Variants in NUSAP1 observed in about 807,000 individuals in gnomAD.
NUSAP1 encodes nucleolar and spindle associated protein 1.
Under a neutral mutation model 52.8 loss-of-function variants are expected in NUSAP1, and 32 were observed. The observed-to-expected ratio is 0.61, with a 90% CI of 0.46 to 0.81. The LOEUF (loss-of-function observed/expected upper bound fraction) is 0.81. Ranked by LOEUF, NUSAP1 falls within the 40% of genes least tolerant of loss-of-function variation. NUSAP1 has a pLI of 0.00. For missense variants in NUSAP1, 499 were observed against 522.3 expected (o/e 0.96, Z 0.43); for synonymous variants, 195 against 183.1 (o/e 1.06, Z -0.52).
At position 41,380,292 on chromosome 15, in the gene NUSAP1, G is replaced by A; in HGVS notation, c.*106G>A. 1.4e-6 allele frequency: 1 copy of A among 706,762 alleles called. No homozygotes were observed. Among genetic ancestry groups the A allele is most frequent in the South Asian group, 1.8e-5 (1 of 55,572 alleles). The allele number at this position is 706,762 out of a possible 1,614,324, so 43.8% of individuals were successfully genotyped here. On this transcript the variant is annotated 3_prime_UTR_variant, in exon 11 of 11. Coordinates refer to ENST00000559596, the MANE Select transcript of NUSAP1 (RefSeq NM_016359.5). ...CACTTTAGTCACGAGATCTTTTTCTGCTAACTGTTCATAGTCTGTGTAGTG... is the reference window on the plus strand; with the variant it reads ...CACTTTAGTCACGAGATCTTTTTCTACTAACTGTTCATAGTCTGTGTAGTG...
intron 8 of NUSAP1, among the ~76,000 whole-genome samples, chr15:41,375,001 C>T (rs2049862114): frequency 1.4e-5 from 2 of 144,100 alleles, no homozygotes; most frequent in Non-Finnish European, 3.0e-5. Context: ...GCCACCACAC[C>T]TAGCTAATTT....
chr15:41,369,695 A>C (rs4636885), intron 7 of NUSAP1, among the ~76,000 whole-genome samples: 152,076 of 152,212 alleles, frequency 1, 75,970 homozygotes, highest in Middle Eastern at 1. Flanking sequence ...TGCTTCACTG[A>C]AATGTACAGG....
At chr15:41,343,957 C>T (rs2048461346) in intron 2 of NUSAP1, among the ~76,000 whole-genome samples, 1 of 151,498 alleles carries the variant, frequency 6.6e-6, no homozygotes, top group East Asian at 1.9e-4. Context: ...GTGGCTCACA[C>T]CTGTAATCCC....
At chr15:41,351,374 G>A (rs1274786373) in intron 4 of NUSAP1, among the ~76,000 whole-genome samples, 5 of 152,198 alleles carry the variant, frequency 3.3e-5, no homozygotes, top group African/African-American at 1.2e-4. Flanking sequence ...TGCGATGGCT[G>A]TCGACGCTTG....
At chr15:41,338,602 A>C (rs2140517603) in intron 1 of NUSAP1, among the ~76,000 whole-genome samples, 1 of 152,188 alleles carries the variant, frequency 6.6e-6, no homozygotes, top group East Asian at 1.9e-4. Context: ...CTTACCTCAC[A>C]ATAGTGTTCT....
At position 41,332,953 on chromosome 15, in the gene NUSAP1, T is replaced by A. The variant is rs750811415; in HGVS notation, c.-5T>A. On this transcript the variant is annotated 5_prime_UTR_variant, in exon 1 of 11. Transcript: ENST00000559596. Reference sequence around the variant, plus strand: ...TTCCGAGTATCGCCGGGATTTCGAATCGCGATGATCATCCCCTCTCTAGAG... The same window carrying A: ...TTCCGAGTATCGCCGGGATTTCGAAACGCGATGATCATCCCCTCTCTAGAG... The A allele has an allele frequency of 6.2e-7, 1 of 1,606,306 alleles. No homozygotes were observed.
At position 41,371,642 on chromosome 15, in the gene NUSAP1, G is replaced by C; in HGVS notation, c.964G>C (p.Gly322Arg). The C allele has an allele frequency of 6.3e-7, 1 of 1,598,974 alleles. No homozygotes were observed. Among genetic ancestry groups the C allele is most frequent in the Non-Finnish European group, 8.5e-7 (1 of 1,176,216 alleles). The change falls in exon 8 of 11, where the codon GGG (glycine) becomes CGG (arginine). Residue 322 changes from glycine (G) to arginine (R), a missense_variant. Coordinates refer to ENST00000559596, the MANE Select transcript of NUSAP1 (RefSeq NM_016359.5). Reference sequence around the variant, plus strand: ...CACCCCAAAAGGCGAGGCTGTGCTTGGGACACACAAATTAAAGACCATCAC... The same window carrying C: ...CACCCCAAAAGGCGAGGCTGTGCTTCGGACACACAAATTAAAGACCATCAC... ...GGTPKGEAVL[G>R]THKLKTITGN...
intron 6 of NUSAP1, among the ~76,000 whole-genome samples, chr15:41,361,425 TA>T (rs1164428739): frequency 6.6e-6 from 1 of 151,670 alleles, no homozygotes; most frequent in African/African-American, 2.4e-5. Context: ...TAAGTTAATT[TA>T]AAAAAATGTT....
chr15:41,368,728 C>CTGTTTTTTTTTTTTTTT (rs2049524974), intron 7 of NUSAP1, among the ~76,000 whole-genome samples: 1 of 77,942 alleles, frequency 1.3e-5, no homozygotes, highest in Non-Finnish European at 2.3e-5. Flanking sequence ...TTATTTTATT[C>CTGTTTTTTTTTTTTTTT]TTTTTTTTTT....
At chr15:41,340,874 C>T (rs1277146613) in intron 1 of NUSAP1, among the ~76,000 whole-genome samples, 2 of 152,124 alleles carry the variant, frequency 1.3e-5, no homozygotes, top group Admixed American at 6.6e-5. Flanking sequence ...GCTTGCACCA[C>T]AAGCAAAAGC....
At chr15:41,357,097 G>T (rs35882899) in intron 5 of NUSAP1, among the ~76,000 whole-genome samples, 2 of 152,032 alleles carry the variant, frequency 1.3e-5, no homozygotes, top group African/African-American at 2.4e-5. Context: ...GGCCGGGTGC[G>T]GTTCTCACAC....
At chr15:41,347,116 G>A (rs1006149387) in intron 2 of NUSAP1, among the ~76,000 whole-genome samples, 2 of 152,068 alleles carry the variant, frequency 1.3e-5, no homozygotes, top group African/African-American at 2.4e-5. Context: ...AGATTGCAGT[G>A]AGCCGAGATT....
chr15:41,335,696 A>G (rs1281807485), intron 1 of NUSAP1, among the ~76,000 whole-genome samples: 2 of 142,508 alleles, frequency 1.4e-5, no homozygotes, highest in Non-Finnish European at 3.0e-5. Flanking sequence ...TATAGTATGT[A>G]TGTTTAGTAT....
At chr15:41,368,725 A>ATTCTT (rs2049524090) in intron 7 of NUSAP1, among the ~76,000 whole-genome samples, 1 of 100,120 alleles carries the variant, frequency 1.0e-5, no homozygotes, top group African/African-American at 3.9e-5. Flanking sequence ...TTTTTATTTT[A>ATTCTT]TTCTTTTTTT....
rs1555432065 is a variant in NUSAP1 at position 41,371,698 on chromosome 15, A to AAAAC, written c.1006+18_1006+21dup. 6.4e-7 allele frequency: 1 copy of AAAAC among 1,557,708 alleles called. No individual in the cohort carries two copies. The highest frequency in any genetic ancestry group is 8.7e-7 in the Non-Finnish European group (1 of 1,155,952). ...ATTCTGCTGCTGGTAAAAAAAAAAA[A>AAAAC]AAACAAAAGAAATCTGTTTCATTTT... On this transcript the variant is annotated intron_variant, in intron 8 of 10. Transcript: ENST00000559596.
At chr15:41,364,134 A>C (rs1268965731) in intron 6 of NUSAP1, among the ~76,000 whole-genome samples, 1 of 152,116 alleles carries the variant, frequency 6.6e-6, no homozygotes, top group Admixed American at 6.6e-5. Flanking sequence ...CACCTGGCCT[A>C]AGTTTATATT....
At chr15:41,353,044 G>A (rs2048835399) in intron 4 of NUSAP1, among the ~76,000 whole-genome samples, 1 of 152,166 alleles carries the variant, frequency 6.6e-6, no homozygotes, top group Non-Finnish European at 1.5e-5. Context: ...ACTTCCATCA[G>A]TTAGTTATGG....
In NUSAP1 at chr15:41,380,736, C is replaced by T. The variant is rs1250028003; in HGVS notation, c.*550C>T. On this transcript the variant is annotated 3_prime_UTR_variant, in exon 11 of 11. Coordinates refer to ENST00000559596, the MANE Select transcript of NUSAP1 (RefSeq NM_016359.5). ...GGCTTATGTACCTTCGTTCAAATAT[C>T]CTCATGTAATTGCCATCTGTCACTC... is the stretch of plus-strand genomic sequence containing the variant. 6.6e-6 allele frequency: 1 copy of T among 152,266 alleles called. No individual in the cohort carries two copies. Among genetic ancestry groups the T allele is most frequent in the Admixed American group, 6.6e-5 (1 of 15,250 alleles). 9.4% of individuals were successfully genotyped at this position (152,266 alleles called of 1,614,324 possible).
intron 2 of NUSAP1, among the ~76,000 whole-genome samples, chr15:41,346,874 A>C (rs2140586062): frequency 8.8e-6 from 1 of 114,180 alleles, no homozygotes; most frequent in East Asian, 2.2e-4. Flanking sequence ...TAAATAAATA[A>C]ATAAATACTG....
Sources: allele counts gnomAD v4.1 joint callset (sites outside exome capture counted in the v4.1 genomes callset), GRCh38; gene constraint gnomAD v4.1.1; transcripts MANE v1.5; gene names NCBI Gene and HGNC (gene_info 2026-07-23, HGNC 2026-07-21).